Variants in CKM observed in about 807,000 individuals in gnomAD.
CKM encodes the protein creatine kinase, M-type.
A neutral mutation model predicts 35.4 loss-of-function variants in CKM; 28 were observed. The observed-to-expected ratio is 0.79, with a 90% CI of 0.59 to 1.08. CKM has a LOEUF of 1.08. Ranked by LOEUF, CKM falls within the 50% of genes least tolerant of loss-of-function variation. CKM has a pLI of 0.00. For synonymous variants in CKM, 215 were observed against 204.4 expected (o/e 1.05, Z -0.44); for missense variants, 484 against 509.8 (o/e 0.95, Z 0.49).
At chr19:45,307,437 G>T in intron 7 of CKM, 24 bp downstream of exon 7, 1 of 1,611,090 alleles carries the variant, frequency 6.2e-7, no homozygotes, top group Non-Finnish European at 8.5e-7. Flanking sequence ...CTCCGTCGTG[G>T]TGCAAAGGAT....
Position 45,308,470 on chromosome 19 carries a change from G to T in CKM, c.716C>A (p.Ser239Tyr), listed in dbSNP as rs1308901688. Residue 239 changes from serine to tyrosine, a missense_variant, in exon 6 of 8, where the codon TCC (serine) becomes TAC (tyrosine). Coordinates refer to ENST00000221476, the MANE Select transcript of CKM (RefSeq NM_001824.5). ...CTTCATGTTGCCCCCCTTCTCCATG[G>T]AGATGACCCGGAGGTGATCCTCCTC... ...VNEEDHLRVI[S>Y]MEKGGNMKEV... 1 of 1,614,018 alleles carries T rather than the reference G, an allele frequency of 6.2e-7. No individual in the cohort carries two copies. Among genetic ancestry groups the T allele is most frequent in the Non-Finnish European group, 8.5e-7 (1 of 1,180,010 alleles).
chr19:45,314,860 T>A (rs958608397), intron 4 of CKM, among the ~76,000 whole-genome samples: 2 of 152,118 alleles, frequency 1.3e-5, no homozygotes, highest in African/African-American at 4.8e-5. Context: ...GACAGGTGTG[T>A]GCCACCACTC....
intron 6 of CKM, among the ~76,000 whole-genome samples, chr19:45,307,872 T>G (rs1044810244): frequency 8.1e-5 from 12 of 147,598 alleles, no homozygotes; most frequent in Admixed American, 5.4e-4. Context: ...GCGGGTTTTT[T>G]TTTTTTTTTT....
intron 5 of CKM, among the ~76,000 whole-genome samples, chr19:45,309,182 C>G (rs1052819285): frequency 2.7e-5 from 4 of 147,838 alleles, no homozygotes; most frequent in Non-Finnish European, 4.5e-5. Context: ...GAGTCGAGAT[C>G]GCGCCACTGC....
In CKM at chr19:45,317,227, C is replaced by T. The variant is rs556283905; in HGVS notation, c.348+598G>A. 1.1e-4 allele frequency among the ~76,000 whole-genome samples: 17 copies of T among 152,274 alleles called. No individual in the cohort carries two copies. In the South Asian group the frequency reaches 3.3e-3, roughly 30 times the overall value. ...GGTTCAAGAGATTTTCCTGCCTCCACCTCCTGAGTAGCTGGGATTACAGGC... is the reference window on the plus strand; with the variant it reads ...GGTTCAAGAGATTTTCCTGCCTCCATCTCCTGAGTAGCTGGGATTACAGGC... On this transcript the variant is annotated intron_variant, in intron 3 of 7. Coordinates refer to ENST00000221476, the MANE Select transcript of CKM (RefSeq NM_001824.5).
At chr19:45,317,727 G>C in intron 3 of CKM, 98 bp downstream of exon 3, 2 of 1,330,300 alleles carry the variant, frequency 1.5e-6, no homozygotes, top group Non-Finnish European at 2.1e-6. Context: ...ACACCTCTGT[G>C]TCTCTCTCTG....
At position 45,307,457 on chromosome 19, in the gene CKM, G is replaced by A. The variant is rs200571089; in HGVS notation, c.967+4C>T. The stretch of plus-strand genomic sequence containing the variant: ...TCGTGGTGCAAAGGATGTGGGAGCC[G>A]TACCTGTACCCCTCTTCTGCAGACG... On this transcript the variant is annotated splice_donor_region_variant and intron_variant, in intron 7 of 7. Transcript: ENST00000221476. 2.5e-6 allele frequency: 4 copies of A among 1,613,448 alleles called. No homozygotes were observed. Among genetic ancestry groups the A allele is most frequent in the Admixed American group, 1.7e-5 (1 of 59,960 alleles).
At chr19:45,309,467 G>C (rs2123132347) in intron 5 of CKM, among the ~76,000 whole-genome samples, 1 of 147,652 alleles carries the variant, frequency 6.8e-6, no homozygotes, top group East Asian at 2.0e-4. Flanking sequence ...GAGGCGGGAG[G>C]ATCACTTGAC....
chr19:45,307,697 C>A (rs747780777), intron 6 of CKM, 47 bp from the exon 7 acceptor site: 10 of 1,515,566 alleles, frequency 6.6e-6, no homozygotes, highest in Non-Finnish European at 4.6e-6. Context: ...CAGGCACCCC[C>A]AAATGCACCC....
At chr19:45,310,666 G>C (rs1048344476) in intron 5 of CKM, among the ~76,000 whole-genome samples, 2 of 151,074 alleles carry the variant, frequency 1.3e-5, no homozygotes, top group Non-Finnish European at 2.9e-5. Context: ...GCAGTACCTC[G>C]GTCATGATTC....
intron 3 of CKM, among the ~76,000 whole-genome samples, chr19:45,317,614 G>A (rs910777391): frequency 2.7e-5 from 4 of 150,358 alleles, no homozygotes; most frequent in African/African-American, 7.4e-5. Context: ...TAAAGACAGA[G>A]TTTTGCCATG....
intron 6 of CKM, among the ~76,000 whole-genome samples, chr19:45,307,865 G>GT (rs1311351521): frequency 1.5e-4 from 20 of 133,352 alleles, no homozygotes; most frequent in Middle Eastern, 7.3e-3. Flanking sequence ...TTTGAAGGCG[G>GT]GTTTTTTTTT....
In CKM at chr19:45,317,811, G is replaced by T. The variant is rs746474874; in HGVS notation, c.348+14C>A. The T allele has an allele frequency of 6.2e-7, 1 of 1,613,822 alleles. No homozygotes were observed. Among genetic ancestry groups the T allele is most frequent in the South Asian group, 1.1e-5 (1 of 91,062 alleles). On this transcript the variant is annotated intron_variant, in intron 3 of 7. Transcript: ENST00000221476. ...CCTCACCCCTCGGCCCTCCCCTCCT[G>T]CGCAGACACCGACCTTGAGGTTTTC...
chr19:45,313,574 C>T lies in CKM; in HGVS notation c.482-1654G>A, dbSNP rs570194050. The stretch of plus-strand genomic sequence containing the variant: ...AATAAAAAGCTTCATAGGCCAGGTG[C>T]GGTGGCTCACGCCTGTAATCCTAGT... On this transcript the variant is annotated intron_variant, in intron 4 of 7. Transcript: ENST00000221476. Among the ~76,000 whole-genome samples the T allele has an allele frequency of 3.5e-4, 54 of 152,300 alleles. No homozygotes were observed. In the East Asian group the frequency reaches 4.4e-3, roughly 13 times the overall value.
At chr19:45,313,824 C>T (rs1035650958) in intron 4 of CKM, among the ~76,000 whole-genome samples, 2 of 151,974 alleles carry the variant, frequency 1.3e-5, no homozygotes, top group Admixed American at 6.6e-5. Context: ...CCAGCCTGGG[C>T]GACAAGAGTG....
chr19:45,308,734 G>C (rs574933634), intron 5 of CKM, among the ~76,000 whole-genome samples: 1 of 152,304 alleles, frequency 6.6e-6, no homozygotes, highest in African/African-American at 2.4e-5. Context: ...TGAATCCTGG[G>C]ATCAAGGACT....
intron 1 of CKM, among the ~76,000 whole-genome samples, chr19:45,322,290 T>G (rs1409638310): frequency 2.0e-5 from 3 of 150,680 alleles, no homozygotes; most frequent in African/African-American, 7.3e-5. Context: ...CAGATCACAC[T>G]GTAAACTAAG....
chr19:45,316,759 C>CT (rs1216496433), intron 3 of CKM, among the ~76,000 whole-genome samples: 1 of 151,660 alleles, frequency 6.6e-6, no homozygotes, highest in Non-Finnish European at 1.5e-5. Context: ...GTGTCTCTGC[C>CT]TCTCCCCCCA....
intron 7 of CKM, among the ~76,000 whole-genome samples, chr19:45,307,163 G>A (rs1411342226): frequency 6.6e-6 from 1 of 152,208 alleles, no homozygotes; most frequent in East Asian, 1.9e-4. Context: ...GGGTTCTGGA[G>A]CCAGGCGGCC....
Sources: allele counts gnomAD v4.1 joint callset (sites outside exome capture counted in the v4.1 genomes callset), GRCh38; gene constraint gnomAD v4.1.1; transcripts MANE v1.5; gene names NCBI Gene and HGNC (gene_info 2026-07-23, HGNC 2026-07-21).